Variants in TBC1D19 observed in about 807,000 individuals in gnomAD.
TBC1D19 encodes TBC1 domain family member 19, also known as TBC1 domain family, member 19.
TBC1D19 carries 60 observed loss-of-function variants against 89.0 expected under a neutral mutation model. The observed-to-expected ratio is 0.67, with a 90% CI of 0.55 to 0.84. The LOEUF is 0.84. Among genes scored for constraint, TBC1D19 ranks in the 40% least tolerant of loss-of-function variants. The pLI, the probability that TBC1D19 is intolerant of heterozygous loss-of-function variation, is 0.00. For synonymous variants in TBC1D19, 189 were observed against 199.7 expected (o/e 0.95, Z 0.45); for missense variants, 500 against 610.8 (o/e 0.82, Z 1.91).
At chr4:26,837,445 G>GT in the TBC1D19 span, among the ~76,000 whole-genome samples, 3 of 152,282 alleles carry the variant, frequency 2.0e-5, no homozygotes, top group Admixed American at 2.0e-4. Context: ...TTTTCCCCCT[G>GT]TTTAACTGGA....
At chr4:26,836,001 C>CTCTCTCTT in the TBC1D19 span, among the ~76,000 whole-genome samples, 438 of 151,428 alleles carry the variant, frequency 2.9e-3, 3 homozygotes, top group African/African-American at 0.01. Context: ...CTCTCTCTCT[C>CTCTCTCTT]TCTCTATCAC....
At chr4:26,843,662 G>C in the TBC1D19 span, among the ~76,000 whole-genome samples, 1 of 151,902 alleles carries the variant, frequency 6.6e-6, no homozygotes, top group African/African-American at 2.4e-5. Context: ...AGACAGATAC[G>C]ATCCTCAACT....
chr4:26,584,410 T>A (rs1448863402), intron 1 of TBC1D19, 118 bp downstream of exon 1: 2 of 923,030 alleles, frequency 2.2e-6, no homozygotes, highest in African/African-American at 1.7e-5. Context: ...GCTCTGGTGC[T>A]CAAAAAACAA....
chr4:26,618,078 T>A (rs1348031406), intron 3 of TBC1D19, among the ~76,000 whole-genome samples: 1 of 152,204 alleles, frequency 6.6e-6, no homozygotes, highest in Non-Finnish European at 1.5e-5. Context: ...AACATACAGT[T>A]CTTCTTTGCC....
intron 1 of TBC1D19, among the ~76,000 whole-genome samples, chr4:26,577,519 T>A (rs1234022954): frequency 6.6e-6 from 1 of 152,216 alleles, no homozygotes; most frequent in Non-Finnish European, 1.5e-5. Context: ...AACCAGCACA[T>A]CTTCAGTACT....
chr4:26,653,992 G>T (rs1012869220), intron 7 of TBC1D19, among the ~76,000 whole-genome samples: 2 of 152,166 alleles, frequency 1.3e-5, no homozygotes, highest in Non-Finnish European at 2.9e-5. Flanking sequence ...AATTTGCCAC[G>T]TTTTTGCAGT....
chr4:26,761,018 T>C (rs933689573), downstream of TBC1D19, among the ~76,000 whole-genome samples: 9 of 152,216 alleles, frequency 5.9e-5, no homozygotes, highest in Admixed American at 2.0e-4. Context: ...ATTAACTGAT[T>C]ATGTGTATGG....
At chr4:26,794,705 C>T in the TBC1D19 span, among the ~76,000 whole-genome samples, 7 of 152,202 alleles carry the variant, frequency 4.6e-5, no homozygotes, top group Admixed American at 4.6e-4. Context: ...CTTTTACAAA[C>T]AGATAGTTAA....
chr4:26,616,042 A>G (rs1313245668), intron 3 of TBC1D19, among the ~76,000 whole-genome samples: 1 of 152,058 alleles, frequency 6.6e-6, no homozygotes, highest in Non-Finnish European at 1.5e-5. Flanking sequence ...ATATTTTCTG[A>G]ATAACTCGTT....
At chr4:26,752,969 T>C (rs1719055904) in intron 19 of TBC1D19, among the ~76,000 whole-genome samples, 1 of 152,232 alleles carries the variant, frequency 6.6e-6, no homozygotes, top group Admixed American at 6.5e-5. Context: ...TCCAGTGTTG[T>C]TTTCTACTTA....
At chr4:26,675,981 A>T (rs566048274) in intron 11 of TBC1D19, among the ~76,000 whole-genome samples, 2 of 152,342 alleles carry the variant, frequency 1.3e-5, no homozygotes, top group South Asian at 4.1e-4. Flanking sequence ...ATTTCTAGGT[A>T]TGTGTCAAAA....
chr4:26,822,985 C>T, the TBC1D19 span, among the ~76,000 whole-genome samples: 1 of 152,142 alleles, frequency 6.6e-6, no homozygotes, highest in African/African-American at 2.4e-5. Flanking sequence ...CAGGAGTAGA[C>T]TGTACTTGAC....
intron 19 of TBC1D19, among the ~76,000 whole-genome samples, chr4:26,753,288 T>C (rs1388535383): frequency 1.3e-5 from 2 of 152,218 alleles, no homozygotes; most frequent in African/African-American, 4.8e-5. Context: ...GAAGTCTGTC[T>C]ACTATATTAG....
chr4:26,659,681 C>T lies in TBC1D19; in HGVS notation c.565C>T (p.Leu189=). ...RTHLGLIQVP[L]KVKDIPELKE... ...TCATTTGGGTTTAATTCAAGTTCCACTGAAAGTAAAAGACATCCCTGAATT... is the reference window on the plus strand; with the variant it reads ...TCATTTGGGTTTAATTCAAGTTCCATTGAAAGTAAAAGACATCCCTGAATT... The change falls in exon 8 of 21, where the codon CTG becomes TTG. Residue 189 remains leucine (L), a synonymous_variant. Transcript: ENST00000264866. The T allele has an allele frequency of 6.3e-7, 1 of 1,588,054 alleles. No individual in the cohort carries two copies. The highest frequency in any genetic ancestry group is 1.1e-5 in the South Asian group (1 of 87,386).
chr4:26,778,211 T>C, the TBC1D19 span, among the ~76,000 whole-genome samples: 10 of 151,934 alleles, frequency 6.6e-5, no homozygotes, highest in Non-Finnish European at 1.5e-4. Flanking sequence ...GTCAGGAGTT[T>C]GAGACCATCC....
At chr4:26,608,096 C>G (rs1741122260) in intron 1 of TBC1D19, among the ~76,000 whole-genome samples, 1 of 152,150 alleles carries the variant, frequency 6.6e-6, no homozygotes, top group African/African-American at 2.4e-5. Context: ...ATTGGAAGCT[C>G]TTTGTCTGGT....
intron 1 of TBC1D19, among the ~76,000 whole-genome samples, chr4:26,604,849 A>C (rs1577786122): frequency 6.6e-6 from 1 of 151,488 alleles, no homozygotes; most frequent in East Asian, 2.0e-4. Context: ...GCGCCACTGC[A>C]CTTCAGCCTG....
At chr4:26,730,572 T>G (rs889595418) in intron 15 of TBC1D19, among the ~76,000 whole-genome samples, 1 of 152,194 alleles carries the variant, frequency 6.6e-6, no homozygotes, top group African/African-American at 2.4e-5. Context: ...ACTCATAAAC[T>G]GATAAAGTCT....
intron 13 of TBC1D19, among the ~76,000 whole-genome samples, chr4:26,697,266 A>T (rs967125498): frequency 6.6e-6 from 1 of 152,240 alleles, no homozygotes; most frequent in Non-Finnish European, 1.5e-5. Context: ...GAAGAAATGG[A>T]TAAATTCCTG....
Sources: allele counts gnomAD v4.1 joint callset (sites outside exome capture counted in the v4.1 genomes callset), GRCh38; gene constraint gnomAD v4.1.1; transcripts MANE v1.5; gene names NCBI Gene and HGNC (gene_info 2026-07-23, HGNC 2026-07-21).